Variants in CNGB3 observed in about 807,000 individuals in gnomAD.
The protein encoded by CNGB3 is cyclic nucleotide gated channel subunit beta 3.
Under a neutral mutation model 92.8 loss-of-function variants are expected in CNGB3, and 86 were observed. The observed-to-expected ratio is 0.93, with a 90% CI of 0.78 to 1.11. The LOEUF (loss-of-function observed/expected upper bound fraction) is 1.11. Among genes scored for constraint, CNGB3 ranks in the 50% least tolerant of loss-of-function variants. The probability of loss-of-function intolerance (pLI) is 0.00; values close to 1 mark genes in which losing one functional copy is unlikely to be tolerated. For missense variants in CNGB3, 1,026 were observed against 956.8 expected (o/e 1.07, Z -0.95); for synonymous variants, 333 against 332.7 (o/e 1.00, Z -0.01).
At chr8:86,622,612 T>A (rs1436934064) in intron 13 of CNGB3, among the ~76,000 whole-genome samples, 1 of 152,106 alleles carries the variant, frequency 6.6e-6, no homozygotes, top group Non-Finnish European at 1.5e-5. Context: ...TACAGAATAA[T>A]TTATGTTGCC....
At chr8:86,604,926 G>A (rs1585964604) in intron 14 of CNGB3, among the ~76,000 whole-genome samples, 2 of 152,172 alleles carry the variant, frequency 1.3e-5, no homozygotes, top group African/African-American at 2.4e-5. Flanking sequence ...GATTTATGAT[G>A]TGTACCTTGT....
chr8:86,633,752 C>A (rs1410690709), intron 10 of CNGB3, among the ~76,000 whole-genome samples: 1 of 152,148 alleles, frequency 6.6e-6, no homozygotes, highest in Non-Finnish European at 1.5e-5. Flanking sequence ...TTATAGAGAT[C>A]AAATGTATTT....
intron 10 of CNGB3, among the ~76,000 whole-genome samples, chr8:86,638,678 G>A (rs138642340): frequency 0.011 from 1,643 of 152,188 alleles, 11 homozygotes; most frequent in Middle Eastern, 0.058. Flanking sequence ...GACTGGAATG[G>A]ATGAGTGAAT....
chr8:86,636,448 TGTAA>T (rs1175934658), intron 10 of CNGB3, among the ~76,000 whole-genome samples: 1 of 151,464 alleles, frequency 6.6e-6, no homozygotes, highest in Admixed American at 6.6e-5. Context: ...GGTGGGTGTC[TGTAA>T]TCCCAGCTAC....
intron 3 of CNGB3, among the ~76,000 whole-genome samples, chr8:86,697,717 G>A (rs1264166651): frequency 6.6e-6 from 1 of 152,148 alleles, no homozygotes; most frequent in Non-Finnish European, 1.5e-5. Context: ...ATGTATACAT[G>A]TGCCATGTTG....
chr8:86,713,933 A>C (rs141036965), intron 3 of CNGB3, among the ~76,000 whole-genome samples: 29 of 152,196 alleles, frequency 1.9e-4, no homozygotes, highest in Admixed American at 5.9e-4. Context: ...TATACCTTTG[A>C]TCCCACCCTT....
chr8:86,735,964 G>A (rs1461244682), intron 2 of CNGB3, among the ~76,000 whole-genome samples: 1 of 151,744 alleles, frequency 6.6e-6, no homozygotes, highest in African/African-American at 2.4e-5. Context: ...ATCCTCTACT[G>A]GTACCAAGAC....
intron 15 of CNGB3, among the ~76,000 whole-genome samples, chr8:86,598,026 TAAAG>T (rs995025467): frequency 2.0e-5 from 3 of 151,798 alleles, no homozygotes; most frequent in Admixed American, 6.6e-5. Context: ...TAAAATAAAA[TAAAG>T]AGAGCAAGGC....
intron 13 of CNGB3, among the ~76,000 whole-genome samples, chr8:86,615,999 C>G (rs530558015): frequency 6.6e-6 from 1 of 152,224 alleles, no homozygotes; most frequent in South Asian, 2.1e-4. Context: ...GGCTCAGGGA[C>G]AGATAGCAGC....
chr8:86,605,540 A>G (rs1177707371), intron 14 of CNGB3, among the ~76,000 whole-genome samples: 1 of 152,260 alleles, frequency 6.6e-6, no homozygotes, highest in Non-Finnish European at 1.5e-5. Context: ...AAATATTCTC[A>G]TTAACCATAC....
chr8:86,623,456 G>T (rs903549909), intron 13 of CNGB3, among the ~76,000 whole-genome samples: 1 of 152,114 alleles, frequency 6.6e-6, no homozygotes. Flanking sequence ...CCAAGATGGC[G>T]CCTTGTTGCT....
rs79629899 is a variant in CNGB3 at position 86,672,880 on chromosome 8, T to G, written c.339-1782A>C. On this transcript the variant is annotated intron_variant, in intron 3 of 17. Transcript: ENST00000320005. ...TCCAAGTATGTCACATTAGGACATA[T>G]AAAAGCCTACTTAAGGATGGTAGAG... 9.3e-3 allele frequency among the ~76,000 whole-genome samples: 1,419 copies of G among 152,350 alleles called. 24 individuals carry two copies. Among genetic ancestry groups the G allele is most frequent in the African/African-American group, 0.032 (1,343 of 41,580 alleles).
intron 3 of CNGB3, among the ~76,000 whole-genome samples, chr8:86,715,934 C>A (rs970708359): frequency 1.3e-5 from 2 of 151,074 alleles, no homozygotes; most frequent in African/African-American, 2.4e-5. Flanking sequence ...ATGTAACTAA[C>A]CTGCACATTG....
chr8:86,648,550 C>T (rs1024270747), intron 7 of CNGB3, among the ~76,000 whole-genome samples: 1 of 151,082 alleles, frequency 6.6e-6, no homozygotes, highest in Non-Finnish European at 1.5e-5. Context: ...CAAAAATTGT[C>T]ATGTATTAAA....
intron 3 of CNGB3, among the ~76,000 whole-genome samples, chr8:86,708,411 G>A (rs1235423198): frequency 2.0e-5 from 3 of 152,114 alleles, no homozygotes; most frequent in Non-Finnish European, 4.4e-5. Context: ...AAGCAGAACT[G>A]AGCAATGGCC....
At chr8:86,583,214 CTTAA>C (rs1304379067) in intron 15 of CNGB3, among the ~76,000 whole-genome samples, 3 of 152,032 alleles carry the variant, frequency 2.0e-5, no homozygotes, top group Non-Finnish European at 4.4e-5. Context: ...TTTTCGCATT[CTTAA>C]TTGTTATAAA....
At chr8:86,638,936 C>A (rs573649245) in intron 10 of CNGB3, among the ~76,000 whole-genome samples, 2 of 152,010 alleles carry the variant, frequency 1.3e-5, no homozygotes, top group Non-Finnish European at 2.9e-5. Flanking sequence ...CCCTTTCCCC[C>A]CTCCTCCCTT....
intron 2 of CNGB3, among the ~76,000 whole-genome samples, chr8:86,735,172 T>C (rs1825228533): frequency 1.4e-5 from 1 of 72,434 alleles, no homozygotes; most frequent in South Asian, 5.0e-4. Flanking sequence ...AGACAGAGTC[T>C]TGCTGTGTTG....
At chr8:86,734,805 C>T (rs1825216563) in intron 2 of CNGB3, among the ~76,000 whole-genome samples, 1 of 152,132 alleles carries the variant, frequency 6.6e-6, no homozygotes, top group African/African-American at 2.4e-5. Flanking sequence ...ATGAATGCTC[C>T]TCATTTATGC....
Sources: gnomAD v4.1 joint callset for allele counts (sites outside exome capture counted in the v4.1 genomes callset) on GRCh38, gnomAD v4.1.1 for gene constraint, MANE v1.5 for transcripts, NCBI Gene and HGNC (gene_info 2026-07-23, HGNC 2026-07-21) for gene names.